Variants in SORCS1 observed in about 807,000 individuals in gnomAD.
The protein encoded by SORCS1 is sortilin related VPS10 domain containing receptor 1.
SORCS1 carries 60 observed loss-of-function variants against 146.1 expected under a neutral mutation model. The ratio of observed to expected loss-of-function variants is 0.41; its 90% CI spans 0.33 to 0.51. The LOEUF (loss-of-function observed/expected upper bound fraction) is 0.51, where lower values mean the gene tolerates loss of function less well. SORCS1 is among the 20% of genes least tolerant of loss of function. The pLI is 0.21. For missense variants in SORCS1, 1,352 were observed against 1,487.6 expected (o/e 0.91, Z 1.50); for synonymous variants, 637 against 584.0 (o/e 1.09, Z -1.31).
chr10:107,076,931 C>T lies in SORCS1; in HGVS notation c.558+87038G>A, dbSNP rs151245465. Among the ~76,000 whole-genome samples the T allele has an allele frequency of 6.6e-5, 10 of 152,120 alleles. No homozygotes were observed. The South Asian group carries it at 8.3e-4, about 13-fold the overall frequency. Reference sequence around the variant, plus strand: ...TGATTCAATATATTTAACTCCTTTGCGAAAAATCTTATATTGCAGTGCTCA... The same window carrying T: ...TGATTCAATATATTTAACTCCTTTGTGAAAAATCTTATATTGCAGTGCTCA... On this transcript the variant is annotated intron_variant, in intron 1 of 25. Coordinates refer to ENST00000263054, the MANE Select transcript of SORCS1 (RefSeq NM_052918.5).
At chr10:106,641,614 G>C (rs1052521205) in intron 18 of SORCS1, among the ~76,000 whole-genome samples, 6 of 152,036 alleles carry the variant, frequency 3.9e-5, no homozygotes, top group Non-Finnish European at 8.8e-5. Context: ...ATGCTTCTTG[G>C]GGAAGGCTAT....
At chr10:106,806,723 G>A (rs1005906924) in intron 3 of SORCS1, among the ~76,000 whole-genome samples, 1 of 151,726 alleles carries the variant, frequency 6.6e-6, no homozygotes, top group Non-Finnish European at 1.5e-5. Flanking sequence ...CACCATGTTA[G>A]CCAGGATGGT....
intron 17 of SORCS1, among the ~76,000 whole-genome samples, chr10:106,660,499 A>G (rs1185269437): frequency 6.6e-6 from 1 of 152,218 alleles, no homozygotes; most frequent in African/African-American, 2.4e-5. Context: ...TATTTATAAA[A>G]AGCATCTTTT....
chr10:107,164,181 C>T lies in SORCS1; in HGVS notation c.346G>A (p.Glu116Lys). ...GCGCCCTCTCCCCGTTCTGCCTTCT[C>T]CTGATCCGCTCCGCTCCGTCTCCTC... ...GRRRRSGADQ[E>K]KAERGEGASR... Residue 116 changes from glutamate to lysine, a missense_variant, in exon 1 of 26, where the codon GAG (glutamate) becomes AAG (lysine). By Grantham distance (56) the Glu-to-Lys change is moderately conservative (BLOSUM62 1). Coordinates refer to ENST00000263054, the MANE Select transcript of SORCS1 (RefSeq NM_052918.5). The surrounding 1 kb of genome is among the most constrained non-coding windows in gnomAD (Gnocchi z 6.8). 6.2e-7 allele frequency: 1 copy of T among 1,612,222 alleles called. No individual in the cohort carries two copies. Among genetic ancestry groups the T allele is most frequent in the South Asian group, 1.1e-5 (1 of 91,078 alleles).
chr10:106,728,076 G>A (rs1227193309), intron 6 of SORCS1, among the ~76,000 whole-genome samples: 2 of 151,790 alleles, frequency 1.3e-5, no homozygotes, highest in Non-Finnish European at 2.9e-5. Flanking sequence ...TCTGTCGCCA[G>A]GCTGGAGAGC....
chr10:106,667,506 T>C (rs1851253242), intron 17 of SORCS1, among the ~76,000 whole-genome samples, 183 bp downstream of exon 17: 1 of 152,258 alleles, frequency 6.6e-6, no homozygotes, highest in East Asian at 1.9e-4. Flanking sequence ...TGGAATCTTA[T>C]TCTCACATGA....
At chr10:106,601,229 C>A (rs1395345884) in intron 23 of SORCS1, among the ~76,000 whole-genome samples, 1 of 152,202 alleles carries the variant, frequency 6.6e-6, no homozygotes, top group Non-Finnish European at 1.5e-5. Context: ...ACTGAACCTG[C>A]TAAAGCAAAT....
At chr10:106,726,819 G>A (rs1427942779) in intron 6 of SORCS1, among the ~76,000 whole-genome samples, 1 of 151,960 alleles carries the variant, frequency 6.6e-6, no homozygotes, top group Admixed American at 6.5e-5. Flanking sequence ...GGGTGCGGTG[G>A]CTCACGCCTA....
At chr10:106,899,242 T>G (rs891316745) in intron 2 of SORCS1, among the ~76,000 whole-genome samples, 1 of 152,190 alleles carries the variant, frequency 6.6e-6, no homozygotes, top group Non-Finnish European at 1.5e-5. Flanking sequence ...CCTCTCTGAA[T>G]TCCTCACTAA....
the SORCS1 span, among the ~76,000 whole-genome samples, chr10:107,174,100 G>T: frequency 6.6e-6 from 1 of 152,028 alleles, no homozygotes; most frequent in Non-Finnish European, 1.5e-5. Flanking sequence ...AAAATATTGA[G>T]ACCTCCCATC....
chr10:107,131,963 T>C (rs980084286), intron 1 of SORCS1, among the ~76,000 whole-genome samples: 1 of 152,232 alleles, frequency 6.6e-6, no homozygotes, highest in Admixed American at 6.5e-5. Flanking sequence ...TGCTGTTGGC[T>C]GAAAAATAGA....
chr10:106,758,418 C>A (rs1179892466), intron 5 of SORCS1, among the ~76,000 whole-genome samples: 1 of 152,174 alleles, frequency 6.6e-6, no homozygotes, highest in Non-Finnish European at 1.5e-5. Context: ...AGCCCTACTT[C>A]CTACCCTCTA....
At chr10:106,744,698 C>A (rs2136131009) in intron 5 of SORCS1, among the ~76,000 whole-genome samples, 1 of 152,264 alleles carries the variant, frequency 6.6e-6, no homozygotes, top group East Asian at 1.9e-4. Context: ...TAGTAGCCTG[C>A]TTACAGGTCT....
chr10:107,083,504 AC>A (rs1963502583), intron 1 of SORCS1, among the ~76,000 whole-genome samples: 1 of 152,218 alleles, frequency 6.6e-6, no homozygotes, highest in Admixed American at 6.5e-5. Flanking sequence ...TGACTAAGAC[AC>A]AACCACTTAG....
chr10:106,646,444 C>G (rs1444929029), intron 18 of SORCS1, among the ~76,000 whole-genome samples: 1 of 151,846 alleles, frequency 6.6e-6, no homozygotes, highest in South Asian at 2.1e-4. Flanking sequence ...GCTTGTTATC[C>G]CAGCACTTTG....
intron 3 of SORCS1, among the ~76,000 whole-genome samples, chr10:106,801,287 C>T (rs557637030): frequency 6.6e-6 from 1 of 151,952 alleles, no homozygotes; most frequent in East Asian, 1.9e-4. Context: ...GGAATAAAGG[C>T]AAGAGAAGGA....
At chr10:107,123,921 C>CAA (rs57896261) in intron 1 of SORCS1, among the ~76,000 whole-genome samples, 77 of 113,532 alleles carry the variant, frequency 6.8e-4, no homozygotes, top group African/African-American at 2.2e-3. Flanking sequence ...ACTAAAAATA[C>CAA]AAAAAAAAAA....
chr10:106,590,289 A>G (rs1845523638), intron 24 of SORCS1, among the ~76,000 whole-genome samples: 1 of 152,094 alleles, frequency 6.6e-6, no homozygotes, highest in African/African-American at 2.4e-5. Flanking sequence ...CTCCTCATTT[A>G]GAATTTAGTA....
intron 1 of SORCS1, among the ~76,000 whole-genome samples, chr10:107,127,746 C>T (rs1966796043): frequency 6.6e-6 from 1 of 152,244 alleles, no homozygotes; most frequent in Non-Finnish European, 1.5e-5. Flanking sequence ...AGGCACACAG[C>T]CTTACCAGAT....
Sources: gnomAD v4.1 joint callset for allele counts (sites outside exome capture counted in the v4.1 genomes callset) on GRCh38, gnomAD v4.1.1 for gene constraint, Gnocchi (gnomAD v3.1) non-coding constraint, MANE v1.5 for transcripts, NCBI Gene and HGNC (gene_info 2026-07-23, HGNC 2026-07-21) for gene names.